Variants in ZNF804B observed in about 807,000 individuals in gnomAD.
The protein encoded by ZNF804B is zinc finger protein 804B, also known as zinc finger 804B.
Under a neutral mutation model 101.4 loss-of-function variants are expected in ZNF804B, and 80 were observed. That is an observed-to-expected ratio of 0.79 (90% CI 0.66 to 0.95). The LOEUF is 0.95. Ranked by LOEUF, ZNF804B falls within the 40% of genes least tolerant of loss-of-function variation. The pLI is 0.00. For missense variants in ZNF804B, 1,673 were observed against 1,561.9 expected (o/e 1.07, Z -1.20); for synonymous variants, 622 against 558.8 (o/e 1.11, Z -1.59).
chr7:88,999,029 G>A (rs1183705004), intron 1 of ZNF804B, among the ~76,000 whole-genome samples: 1 of 152,056 alleles, frequency 6.6e-6, no homozygotes, highest in Non-Finnish European at 1.5e-5. Context: ...TTAGTCATAA[G>A]TTTACTTCAC....
chr7:89,296,318 T>C (rs999528972), intron 2 of ZNF804B, among the ~76,000 whole-genome samples: 11 of 152,120 alleles, frequency 7.2e-5, no homozygotes, highest in Non-Finnish European at 1.6e-4. Flanking sequence ...AGATATGTAA[T>C]TTTAAAATAA....
chr7:89,088,810 T>G (rs574256357), intron 1 of ZNF804B, among the ~76,000 whole-genome samples: 1 of 151,708 alleles, frequency 6.6e-6, no homozygotes, highest in Non-Finnish European at 1.5e-5. Flanking sequence ...CAATGTGAAA[T>G]GGGAGGCAGT....
Position 89,221,843 on chromosome 7 carries a change from A to T in ZNF804B, c.249+3548A>T, listed in dbSNP as rs560624498. On this transcript the variant is annotated intron_variant, in intron 2 of 3. Coordinates refer to ENST00000333190, the MANE Select transcript of ZNF804B (RefSeq NM_181646.5). The stretch of plus-strand genomic sequence containing the variant: ...CTAACTTTCCTGGGTATTCTCCTTC[A>T]TTAAACAATGATTCGGTTTCTACTG... 2.0e-5 allele frequency among the ~76,000 whole-genome samples: 3 copies of T among 151,930 alleles called. No homozygotes were observed. The East Asian group carries it at 5.8e-4, about 29-fold the overall frequency.
chr7:89,059,346 G>A (rs754124051), intron 1 of ZNF804B, among the ~76,000 whole-genome samples: 2 of 152,146 alleles, frequency 1.3e-5, no homozygotes, highest in Middle Eastern at 3.2e-3. Context: ...GAAGTGTGGC[G>A]TGGGCCTCTA....
rs577475933 is a variant in ZNF804B at position 89,268,805 on chromosome 7, G to A, written c.249+50510G>A. 6.6e-5 allele frequency among the ~76,000 whole-genome samples: 10 copies of A among 152,050 alleles called. No homozygotes were observed. In the East Asian group the frequency reaches 1.7e-3, roughly 26 times the overall value. ...AGAGGAATTTTCATAGTATTCTCTG[G>A]AAGGGATAAGCTTTCCTCATACATA... On this transcript the variant is annotated intron_variant, in intron 2 of 3. Transcript: ENST00000333190.
At chr7:88,839,005 C>T (rs372172955) in intron 1 of ZNF804B, among the ~76,000 whole-genome samples, 28 of 152,020 alleles carry the variant, frequency 1.8e-4, no homozygotes, top group Admixed American at 1.8e-3. Context: ...CATACAATTA[C>T]GGTTAACTGT....
At chr7:89,107,990 G>C (rs1424090529) in intron 1 of ZNF804B, among the ~76,000 whole-genome samples, 1 of 152,024 alleles carries the variant, frequency 6.6e-6, no homozygotes, top group Admixed American at 6.6e-5. Flanking sequence ...AGCTAAAGAA[G>C]GAAATGTCTC....
At chr7:88,882,264 A>C (rs887310096) in intron 1 of ZNF804B, among the ~76,000 whole-genome samples, 2 of 152,168 alleles carry the variant, frequency 1.3e-5, no homozygotes, top group African/African-American at 4.8e-5. Flanking sequence ...CCAATAATAT[A>C]TTAAAAAATG....
chr7:89,040,379 C>A (rs1788998221), intron 1 of ZNF804B, among the ~76,000 whole-genome samples: 1 of 151,976 alleles, frequency 6.6e-6, no homozygotes, highest in Non-Finnish European at 1.5e-5. Flanking sequence ...TTGATTGAAT[C>A]TTGCTTCTAC....
At chr7:89,196,605 A>C (rs1182876773) in intron 1 of ZNF804B, among the ~76,000 whole-genome samples, 1 of 152,178 alleles carries the variant, frequency 6.6e-6, no homozygotes, top group East Asian at 1.9e-4. Context: ...CAATTGCAAC[A>C]AAAGCAAAAA....
chr7:88,877,025 TAATATATATATATATATATATA>T (rs1791956284), intron 1 of ZNF804B, among the ~76,000 whole-genome samples: 2 of 59,274 alleles, frequency 3.4e-5, no homozygotes, highest in Non-Finnish European at 5.3e-5. Context: ...TATATATATA[TAATATATATATATATATATATA>T]TATTTTTTTT....
chr7:89,311,041 C>A (rs1790643826), intron 2 of ZNF804B, among the ~76,000 whole-genome samples: 6 of 152,022 alleles, frequency 3.9e-5, no homozygotes, highest in Admixed American at 3.9e-4. Context: ...GACTAATTCT[C>A]CTGATCTTTA....
chr7:89,277,403 G>C (rs1789999462), intron 2 of ZNF804B, among the ~76,000 whole-genome samples: 1 of 139,848 alleles, frequency 7.2e-6, no homozygotes, highest in African/African-American at 2.7e-5. Context: ...ATTTATACAT[G>C]TGACATGCTG....
At chr7:88,846,230 G>C (rs761412065) in intron 1 of ZNF804B, among the ~76,000 whole-genome samples, 1 of 151,650 alleles carries the variant, frequency 6.6e-6, no homozygotes, top group Non-Finnish European at 1.5e-5. Context: ...GAGCACAGTC[G>C]AATACATTTT....
intron 2 of ZNF804B, among the ~76,000 whole-genome samples, chr7:89,302,201 AT>A (rs925382399): frequency 2.0e-4 from 30 of 151,710 alleles, no homozygotes; most frequent in Middle Eastern, 6.8e-3. Flanking sequence ...ATATATGATA[AT>A]TTTTTTTGTC....
At position 89,293,102 on chromosome 7, in the gene ZNF804B, A is replaced by G. The variant is rs180880066; in HGVS notation, c.250-34242A>G. On this transcript the variant is annotated intron_variant, in intron 2 of 3. Coordinates refer to ENST00000333190, the MANE Select transcript of ZNF804B (RefSeq NM_181646.5). The stretch of plus-strand genomic sequence containing the variant: ...TCTGGAGGTCATTTTTTATCTTCTG[A>G]ACTTTTGAATGTTTTAATTTTTTTT... Among the ~76,000 whole-genome samples the G allele has an allele frequency of 3.3e-5, 5 of 150,986 alleles. No individual in the cohort carries two copies. In the East Asian group the frequency reaches 9.7e-4, roughly 29 times the overall value.
intron 1 of ZNF804B, among the ~76,000 whole-genome samples, chr7:88,946,639 C>T (rs892567862): frequency 6.6e-6 from 1 of 151,262 alleles, no homozygotes; most frequent in Non-Finnish European, 1.5e-5. Context: ...GAAGGAGTCC[C>T]TCTTTTTCTA....
At chr7:89,255,904 G>A (rs1038569525) in intron 2 of ZNF804B, among the ~76,000 whole-genome samples, 4 of 151,416 alleles carry the variant, frequency 2.6e-5, no homozygotes, top group African/African-American at 9.7e-5. Flanking sequence ...TTGCAGAGGG[G>A]GTAATATAAA....
intron 1 of ZNF804B, among the ~76,000 whole-genome samples, chr7:88,805,029 G>GT (rs1384163652): frequency 6.6e-6 from 1 of 152,066 alleles, no homozygotes; most frequent in Non-Finnish European, 1.5e-5. Context: ...AAGTTTCAGT[G>GT]GATAAAGTGG....
Sources: allele counts gnomAD v4.1 joint callset (sites outside exome capture counted in the v4.1 genomes callset), GRCh38; gene constraint gnomAD v4.1.1; transcripts MANE v1.5; gene names NCBI Gene and HGNC (gene_info 2026-07-23, HGNC 2026-07-21).